The following PIGG variants were observed in gnomAD, a reference collection of about 807,000 sequenced individuals.
The protein encoded by PIGG is GPI ethanolamine phosphate transferase 2, catalytic subunit.
In PIGG, 70 loss-of-function variants were observed where a neutral mutation model predicts 83.2. The ratio of observed to expected loss-of-function variants is 0.84; its 90% CI spans 0.69 to 1.03. The LOEUF is 1.03. Ranked by LOEUF, PIGG falls within the 50% of genes least tolerant of loss-of-function variation. The pLI, the probability that PIGG is intolerant of heterozygous loss-of-function variation, is 0.00. For missense variants in PIGG, 1,257 were observed against 1,233.6 expected, an observed-to-expected ratio of 1.02 and a Z score of -0.28; for synonymous variants, 532 against 519.5, an observed-to-expected ratio of 1.02 and a Z score of -0.33.
In PIGG at chr4:513,750, C is replaced by G. The variant is rs557537314; in HGVS notation, c.902-2223C>G. ...AAGTGCTGGAACTTCTTTCATGGCCCCTTATCGTCAGTGGGGCGCAATCCA... is the reference window on the plus strand; with the variant it reads ...AAGTGCTGGAACTTCTTTCATGGCCGCTTATCGTCAGTGGGGCGCAATCCA... On this transcript the variant is annotated intron_variant, in intron 5 of 12. Transcript: ENST00000453061. Among the ~76,000 whole-genome samples, 8 of 152,178 alleles carry G rather than the reference C, an allele frequency of 5.3e-5. No homozygotes were observed. In the East Asian group the frequency reaches 1.5e-3, roughly 29 times the overall value.
intron 12 of PIGG, among the ~76,000 whole-genome samples, chr4:535,545 C>T (rs1730343906): frequency 7.2e-6 from 1 of 139,398 alleles, no homozygotes; most frequent in African/African-American, 2.8e-5. Flanking sequence ...CCTGTGGTGA[C>T]CGGAGGCCCC....
chr4:507,664 G>A (rs530189175), intron 4 of PIGG, 71 bp downstream of exon 4: 26 of 1,322,310 alleles, frequency 2.0e-5, no homozygotes, highest in South Asian at 1.1e-4. Context: ...AAATGCAACC[G>A]CCTGAGTTAT....
intron 2 of PIGG, among the ~76,000 whole-genome samples, chr4:503,845 TACACACACACACACACACACAC>T (rs56841358): frequency 3.7e-4 from 54 of 145,716 alleles, no homozygotes; most frequent in Admixed American, 1.1e-3. Flanking sequence ...TGTGATTTTA[TACACACACACACACACACACAC>T]ACACACACAC....
In PIGG at chr4:500,473, G is replaced by A. The variant is rs782008835; in HGVS notation, c.232G>A (p.Asp78Asn). The change falls in exon 2 of 13, where the codon GAT becomes AAT. Residue 78 changes from aspartate (D) to asparagine (N), a missense_variant. By Grantham distance (23) the Asp-to-Asn change is conservative (BLOSUM62 1). Coordinates refer to ENST00000453061, the MANE Select transcript of PIGG (RefSeq NM_001127178.3). Reference protein sequence around the residue: ...VVIVLIDALRDDFVFGSKGVK... With the variant: ...VVIVLIDALRNDFVFGSKGVK... ...TATTGTTCTGATAGATGCCTTGAGA[G>A]ATGATTTTGTGTTTGGGTCAAAGGG... The A allele has an allele frequency of 1.2e-6, 2 of 1,613,732 alleles. No individual in the cohort carries two copies. Among genetic ancestry groups the A allele is most frequent in the East Asian group, 4.5e-5 (2 of 44,886 alleles).
chr4:527,579 G>T (rs1001482272), intron 10 of PIGG: 2 of 1,025,058 alleles, frequency 2.0e-6, no homozygotes, highest in Non-Finnish European at 2.3e-6. Context: ...GTGGCAGCAC[G>T]TGATGGCCAG....
intron 10 of PIGG, among the ~76,000 whole-genome samples, chr4:529,705 G>A (rs1258117467): frequency 6.6e-6 from 1 of 152,194 alleles, no homozygotes. Flanking sequence ...TGAGCTTACT[G>A]TGTGCCAAGC....
Position 507,394 on chromosome 4 carries a change from C to T in PIGG, c.571-11C>T. ...AGGTGAGTTGTTTATACGTGTGTTT[C>T]CCCTTCAAAGGTGGATAATAATGTC... On this transcript the variant is annotated splice_polypyrimidine_tract_variant and intron_variant, in intron 3 of 12. Transcript: ENST00000453061. 6.3e-7 allele frequency: 1 copy of T among 1,596,024 alleles called. No individual in the cohort carries two copies. The highest frequency in any genetic ancestry group is 8.6e-7 in the Non-Finnish European group (1 of 1,167,300).
chr4:506,302 C>T (rs562193569), intron 3 of PIGG, among the ~76,000 whole-genome samples: 3 of 152,332 alleles, frequency 2.0e-5, no homozygotes, highest in African/African-American at 7.2e-5. Context: ...AGCTGTAGGA[C>T]TCCACAGCCT....
At chr4:518,963 C>T (rs898723904) in intron 6 of PIGG, among the ~76,000 whole-genome samples, 1 of 152,144 alleles carries the variant, frequency 6.6e-6, no homozygotes, top group Admixed American at 6.5e-5. Flanking sequence ...CTTTTTCTCA[C>T]CTCTGGACTT....
intron 6 of PIGG, among the ~76,000 whole-genome samples, chr4:516,723 G>T (rs559784700): frequency 6.6e-6 from 1 of 152,066 alleles, no homozygotes; most frequent in Non-Finnish European, 1.5e-5. Flanking sequence ...AGGCATGGTG[G>T]CGGGCACCTG....
At chr4:500,010 A>C (rs1717015519) in intron 1 of PIGG, 1 of 255,690 alleles carries the variant, frequency 3.9e-6, no homozygotes, top group African/African-American at 2.3e-5. Context: ...GTTCTGGACC[A>C]CTTGCACACA....
intron 5 of PIGG, among the ~76,000 whole-genome samples, chr4:512,972 G>C (rs1471480239): frequency 2.6e-5 from 4 of 152,148 alleles, no homozygotes; most frequent in Non-Finnish European, 5.9e-5. Context: ...CCTCCTTCTG[G>C]AGCTGGGGGA....
rs1326521240 is a variant in PIGG at position 515,582 on chromosome 4, G to A, written c.902-391G>A. Among the ~76,000 whole-genome samples, 1 of 152,232 alleles carries A rather than the reference G, an allele frequency of 6.6e-6. No individual in the cohort carries two copies. Among genetic ancestry groups the A allele is most frequent in the Non-Finnish European group, 1.5e-5 (1 of 68,038 alleles). ...AGCATGGGATGCTCCAAATCCAGAG[G>A]GGCCGGGCTGTCAGCGATCCCAGCC... On this transcript the variant is annotated intron_variant, in intron 5 of 12. Coordinates refer to ENST00000453061, the MANE Select transcript of PIGG (RefSeq NM_001127178.3). The surrounding 1 kb of genome is among the most constrained non-coding windows in gnomAD (Gnocchi z 4.2).
At chr4:534,160 G>A (rs925438402) in intron 12 of PIGG, among the ~76,000 whole-genome samples, 179 bp downstream of exon 12, 1 of 152,248 alleles carries the variant, frequency 6.6e-6, no homozygotes, top group South Asian at 2.1e-4. Flanking sequence ...CCGGCCTGAG[G>A]TGTCCGTGTA....
rs780882792 is a variant in PIGG at position 521,860 on chromosome 4, G to T, written c.1533G>T (p.Val511=). ...CGLSWLAAGG[V]MVLASALLCV... is the part of the protein sequence containing the mutation. ...TCTCGTGGCTGGCGGCAGGTGGGGT[G>T]ATGGTGCTGGCCTCGGCGCTGCTGT... Residue 511 remains valine (V), a synonymous_variant, in exon 8 of 13, where the codon GTG becomes GTT. Coordinates refer to ENST00000453061, the MANE Select transcript of PIGG (RefSeq NM_001127178.3). The T allele has an allele frequency of 3.7e-6, 6 of 1,614,222 alleles. No homozygotes were observed. The South Asian group carries it at 5.5e-5, about 15-fold the overall frequency.
intron 6 of PIGG, among the ~76,000 whole-genome samples, chr4:518,564 G>T (rs1323874734): frequency 1.3e-5 from 2 of 152,230 alleles, no homozygotes; most frequent in East Asian, 1.9e-4. Flanking sequence ...CTGCACTCCA[G>T]CCTGGGTGAC....
At chr4:518,031 C>T (rs1044462548) in intron 6 of PIGG, among the ~76,000 whole-genome samples, 2 of 152,082 alleles carry the variant, frequency 1.3e-5, no homozygotes, top group African/African-American at 2.4e-5. Flanking sequence ...AGATGTAAAC[C>T]GGCCTCCTAG....
At chr4:511,102 T>C (rs1721757360) in intron 5 of PIGG, among the ~76,000 whole-genome samples, 1 of 152,096 alleles carries the variant, frequency 6.6e-6, no homozygotes. Flanking sequence ...GAGACCAGCC[T>C]GACCAACATG....
chr4:513,590 C>G (rs1388297312), intron 5 of PIGG, among the ~76,000 whole-genome samples: 1 of 152,126 alleles, frequency 6.6e-6, no homozygotes, highest in Admixed American at 6.5e-5. Flanking sequence ...GTTTGTTGTT[C>G]TGTTCCCCTG....
Sources: allele counts gnomAD v4.1 joint callset (sites outside exome capture counted in the v4.1 genomes callset), GRCh38; gene constraint gnomAD v4.1.1; non-coding constraint Gnocchi (gnomAD v3.1); transcripts MANE v1.5; gene names NCBI Gene and HGNC (gene_info 2026-07-23, HGNC 2026-07-21).